Variants in DMAC2L observed in about 807,000 individuals in gnomAD.
DMAC2L encodes ATP synthase subunit s, mitochondrial.
Under a neutral mutation model 22.5 loss-of-function variants are expected in DMAC2L, and 21 were observed. The observed-to-expected ratio is 0.93, with a 90% CI of 0.66 to 1.34. DMAC2L has a LOEUF of 1.34. DMAC2L is among the 40% of genes most tolerant of loss of function. The probability of loss-of-function intolerance (pLI) is 0.00; values close to 1 mark genes in which losing one functional copy is unlikely to be tolerated. For synonymous variants in DMAC2L, 86 were observed against 89.5 expected (o/e 0.96, Z 0.22); for missense variants, 239 against 246.5 (o/e 0.97, Z 0.20).
Position 50,325,667 on chromosome 14 carries a change from G to C in DMAC2L, c.547G>C (p.Val183Leu). The C allele has an allele frequency of 1.9e-6, 3 of 1,613,064 alleles. No homozygotes were observed. The highest frequency in any genetic ancestry group is 2.5e-6 in the Non-Finnish European group (3 of 1,179,540). The change falls in exon 6 of 6, where the codon GTC becomes CTC. Residue 183 changes from valine to leucine, a missense_variant. By Grantham distance (32) the Val-to-Leu change is conservative. Coordinates refer to ENST00000557421, the MANE Select transcript of DMAC2L (RefSeq NM_001382507.1). Reference protein sequence around the residue: ...LPGVREKENLVQAFKTALPSL... With the variant: ...LPGVREKENLLQAFKTALPSL... ...TGGAGTAAGAGAAAAAGAAAATCTT[G>C]TCCAAGCCTTTAAGACAGCACTGCC...
intron 3 of DMAC2L, 138 bp downstream of exon 3, chr14:50,321,732 A>G: frequency 3.7e-6 from 2 of 537,494 alleles, no homozygotes; most frequent in East Asian, 3.1e-5. Flanking sequence ...AACAAAACCC[A>G]CACAAACATG....
intron 2 of DMAC2L, among the ~76,000 whole-genome samples, chr14:50,320,038 T>C (rs527646929): frequency 1.3e-5 from 2 of 152,340 alleles, no homozygotes; most frequent in South Asian, 4.1e-4. Context: ...TTGATGCTGC[T>C]GAGTCAATTT....
intron 2 of DMAC2L, among the ~76,000 whole-genome samples, chr14:50,319,944 C>T (rs3825574): frequency 0.56 from 85,136 of 151,982 alleles, 23,881 homozygotes; most frequent in East Asian, 0.62. Context: ...TCATTCCCAT[C>T]CTTCCCCAAC....
rs746157092 is a variant in DMAC2L, at chr14:50,321,601, T to C, written c.107+7T>C. 1 of 1,592,464 alleles carries C rather than the reference T, an allele frequency of 6.3e-7. No homozygotes were observed. Among genetic ancestry groups the C allele is most frequent in the African/African-American group, 1.3e-5 (1 of 74,616 alleles). On this transcript the variant is annotated splice_region_variant and intron_variant, in intron 3 of 5. Coordinates refer to ENST00000557421, the MANE Select transcript of DMAC2L (RefSeq NM_001382507.1). ...TGAATGCAGTGTTTAATAAGTAAGT[T>C]ACTCTAAATAAAGTGAAGAAATGTG...
intron 2 of DMAC2L, chr14:50,321,268 G>A (rs758428095): frequency 2.1e-5 from 16 of 757,294 alleles, no homozygotes; most frequent in Non-Finnish European, 2.9e-5. Context: ...TAGCCGGAAG[G>A]AGCCTTAGAC....
At chr14:50,319,019 C>CGAAT in intron 2 of DMAC2L, 2 of 985,186 alleles carry the variant, frequency 2.0e-6, no homozygotes, top group Non-Finnish European at 2.4e-6. Context: ...ATTTTTTGAG[C>CGAAT]GAATGAATGA....
rs1332231956 is a variant in DMAC2L, at chr14:50,312,398, A to C, written c.-42+9A>C. ...TCCCTCCCTCCGACGCTGTGAGTAGAGAAGCTAGGCCCCGAGCCGGGCGGG... is the reference window on the plus strand; with the variant it reads ...TCCCTCCCTCCGACGCTGTGAGTAGCGAAGCTAGGCCCCGAGCCGGGCGGG... On this transcript the variant is annotated intron_variant, in intron 1 of 5. Coordinates refer to ENST00000557421, the MANE Select transcript of DMAC2L (RefSeq NM_001382507.1). 1.8e-6 allele frequency: 1 copy of C among 567,084 alleles called. No individual in the cohort carries two copies. The highest frequency in any genetic ancestry group is 3.0e-5 in the East Asian group (1 of 33,044). 35.1% of individuals were successfully genotyped at this position (567,084 alleles called of 1,614,324 possible).
At chr14:50,323,166 A>G (rs2032430778) in intron 4 of DMAC2L, 4 of 420,156 alleles carry the variant, frequency 9.5e-6, no homozygotes, top group Non-Finnish European at 1.3e-5. Context: ...GCTCACTGCA[A>G]GCTCTGCCTC....
In DMAC2L at chr14:50,326,634, T is replaced by C. The variant is rs2032715622; in HGVS notation, c.*911T>C. On this transcript the variant is annotated 3_prime_UTR_variant, in exon 6 of 6. Coordinates refer to ENST00000557421, the MANE Select transcript of DMAC2L (RefSeq NM_001382507.1). ...TATTTTGTAAGCTTAGGCTACTATT[T>C]TATTAAAACTGGACATAGATACTTG... is the stretch of plus-strand genomic sequence containing the variant. The C allele has an allele frequency of 1.0e-6, 1 of 985,334 alleles. No individual in the cohort carries two copies. Among genetic ancestry groups the C allele is most frequent in the Admixed American group, 6.1e-5 (1 of 16,270 alleles). 61.0% of individuals were successfully genotyped at this position (985,334 alleles called of 1,614,324 possible).
rs2032713579 is a variant in DMAC2L, at chr14:50,326,588, A to G, written c.*865A>G. The G allele has an allele frequency of 2.0e-6, 2 of 985,454 alleles. No homozygotes were observed. The highest frequency in any genetic ancestry group is 3.5e-5 in the African/African-American group (2 of 57,360). The allele number at this position is 985,454 out of a possible 1,614,324, so 61.0% of individuals were successfully genotyped here. A position where few individuals can be genotyped will look rare whatever the true frequency, so the allele number is the denominator to read the frequency against. ...TAGCATACAGACTTACTCAGAATCA[A>G]CAGTTGCTGCTTAATTTGTCTATTT... On this transcript the variant is annotated 3_prime_UTR_variant, in exon 6 of 6. Coordinates refer to ENST00000557421, the MANE Select transcript of DMAC2L (RefSeq NM_001382507.1).
chr14:50,320,855 T>C (rs1442887365), intron 2 of DMAC2L, among the ~76,000 whole-genome samples: 1 of 152,220 alleles, frequency 6.6e-6, no homozygotes, highest in Admixed American at 6.5e-5. Flanking sequence ...AGGAATCACT[T>C]TCTCAAATTA....
intron 2 of DMAC2L, among the ~76,000 whole-genome samples, chr14:50,315,176 C>T (rs1210953108): frequency 2.0e-5 from 3 of 151,030 alleles, no homozygotes; most frequent in Non-Finnish European, 4.4e-5. Context: ...CCGTGTTAGC[C>T]AGGATGGTCT....
Position 50,325,682 on chromosome 14 carries a change from A to G in DMAC2L, c.562A>G (p.Thr188Ala). ...AGAAAATCTTGTCCAAGCCTTTAAG[A>G]CAGCACTGCCTTCTCTGGAACTAAA... ...EKENLVQAFK[T>A]ALPSLELKLQ... is the part of the protein sequence containing the mutation. The change falls in exon 6 of 6, where the codon ACA becomes GCA. Residue 188 changes from threonine to alanine, a missense_variant. By Grantham distance (58) the Thr-to-Ala change is moderately conservative (BLOSUM62 0). Transcript: ENST00000557421. 1 of 1,613,106 alleles carries G rather than the reference A, an allele frequency of 6.2e-7. No individual in the cohort carries two copies. The highest frequency in any genetic ancestry group is 1.1e-5 in the South Asian group (1 of 91,016).
intron 2 of DMAC2L, among the ~76,000 whole-genome samples, chr14:50,318,361 A>G (rs1265329594): frequency 6.6e-6 from 1 of 152,214 alleles, no homozygotes; most frequent in East Asian, 1.9e-4. Context: ...TTTAATTTTT[A>G]TGTTTAAAAC....
intron 1 of DMAC2L, chr14:50,313,194 T>G: frequency 1.4e-6 from 1 of 732,526 alleles, no homozygotes; most frequent in Non-Finnish European, 2.4e-6. Context: ...GATGGCAGTT[T>G]TTAATTTTTA....
At chr14:50,311,776 C>G (rs1456743951), upstream of DMAC2L, among the ~76,000 whole-genome samples, 4 of 152,222 alleles carry the variant, frequency 2.6e-5, no homozygotes, top group Non-Finnish European at 4.4e-5. Context: ...ACGGGTTGTT[C>G]AAAGCCAGAG....
chr14:50,323,984 G>A lies in DMAC2L; in HGVS notation c.356G>A (p.Cys119Tyr). ...GTTGAAAAAATAAGGCTGTGCAAGT[G>A]TCATTATATCGAGGATGACTGTTTG... Reference protein sequence around the residue: ...EHVEKIRLCKCHYIEDDCLLR... With the variant: ...EHVEKIRLCKYHYIEDDCLLR... Residue 119 changes from cysteine (C) to tyrosine (Y), a missense_variant, in exon 5 of 6, where the codon TGT becomes TAT. Coordinates refer to ENST00000557421, the MANE Select transcript of DMAC2L (RefSeq NM_001382507.1). 4 of 1,613,676 alleles carry A rather than the reference G, an allele frequency of 2.5e-6. No individual in the cohort carries two copies. The highest frequency in any genetic ancestry group is 3.4e-6 in the Non-Finnish European group (4 of 1,179,864).
upstream of DMAC2L, chr14:50,312,276 T>C (rs1481383583): frequency 7.1e-6 from 10 of 1,408,136 alleles, no homozygotes; most frequent in East Asian, 1.0e-4. Flanking sequence ...CTTCGCCCCA[T>C]GTGGGAGAGG....
intron 1 of DMAC2L, 99 bp from the exon 2 acceptor site, chr14:50,314,492 A>G (rs1174510224): frequency 2.2e-6 from 1 of 454,878 alleles, no homozygotes; most frequent in Non-Finnish European, 4.4e-6. Flanking sequence ...CACTCATTGA[A>G]GGACATTTGA....
Sources: allele counts gnomAD v4.1 joint callset (sites outside exome capture counted in the v4.1 genomes callset), GRCh38; gene constraint gnomAD v4.1.1; transcripts MANE v1.5; gene names NCBI Gene and HGNC (gene_info 2026-07-23, HGNC 2026-07-21).